The following PCDHA12 variants were observed in gnomAD, a reference collection of about 807,000 sequenced individuals.
PCDHA12 encodes the protein protocadherin alpha-12.
In PCDHA12, 44 loss-of-function variants were observed where a neutral mutation model predicts 60.0. The observed-to-expected ratio is 0.73, with a 90% CI of 0.58 to 0.94. The LOEUF (loss-of-function observed/expected upper bound fraction) is 0.94. Ranked by LOEUF, PCDHA12 falls within the 40% of genes least tolerant of loss-of-function variation. The probability of loss-of-function intolerance (pLI) is 0.00; values close to 1 mark genes in which losing one functional copy is unlikely to be tolerated. For missense variants in PCDHA12, 1,276 were observed against 1,239.7 expected (o/e 1.03, Z -0.44); for synonymous variants, 569 against 553.0 (o/e 1.03, Z -0.40).
chr5:140,978,140 T>C (rs1379052059), intron 1 of PCDHA12, among the ~76,000 whole-genome samples: 2 of 152,222 alleles, frequency 1.3e-5, no homozygotes, highest in Non-Finnish European at 2.9e-5. Flanking sequence ...ATTTTCCTCT[T>C]TGTTCTCCCC....
At chr5:140,991,740 GCT>G (rs1175946938) in intron 3 of PCDHA12, among the ~76,000 whole-genome samples, 3 of 152,200 alleles carry the variant, frequency 2.0e-5, no homozygotes, top group African/African-American at 7.2e-5. Context: ...GGTAATGTAG[GCT>G]CTTTCTATCA....
At chr5:140,947,854 A>G (rs2094183959) in intron 1 of PCDHA12, among the ~76,000 whole-genome samples, 1 of 151,504 alleles carries the variant, frequency 6.6e-6, no homozygotes, top group Non-Finnish European at 1.5e-5. Context: ...TTATTTTGTC[A>G]TTATAATGGC....
chr5:140,887,838 T>C (rs1434293324), intron 1 of PCDHA12, among the ~76,000 whole-genome samples: 1 of 152,210 alleles, frequency 6.6e-6, no homozygotes. Context: ...TGAATATCTT[T>C]TATTGACATA....
intron 1 of PCDHA12, among the ~76,000 whole-genome samples, chr5:140,949,913 A>G (rs554549969): frequency 9.9e-5 from 15 of 151,452 alleles, no homozygotes; most frequent in Admixed American, 2.6e-4. Context: ...TTTAGATATA[A>G]CTATTTTTAG....
chr5:140,939,424 A>G lies in PCDHA12; in HGVS notation c.2368-39525A>G, dbSNP rs186047779. 5.0e-4 allele frequency among the ~76,000 whole-genome samples: 76 copies of G among 152,290 alleles called. 1 individual carries two copies. Among genetic ancestry groups the G allele is most frequent in the Admixed American group, 1.3e-4 (2 of 15,302 alleles). On this transcript the variant is annotated intron_variant, in intron 1 of 3. Coordinates refer to ENST00000398631, the MANE Select transcript of PCDHA12 (RefSeq NM_018903.4). ...GTGTAAATCAGCATTTTTTTCTTCC[A>G]TAAGCATTTGAAGAATTAAGAGTGA...
chr5:140,941,597 G>T (rs2093124922), intron 1 of PCDHA12, among the ~76,000 whole-genome samples: 1 of 152,032 alleles, frequency 6.6e-6, no homozygotes, highest in Middle Eastern at 3.4e-3. Context: ...TTACAGCCAT[G>T]AGCCATGGTG....
intron 1 of PCDHA12, among the ~76,000 whole-genome samples, chr5:140,892,628 T>C (rs1554185308): frequency 6.6e-6 from 1 of 152,166 alleles, no homozygotes; most frequent in African/African-American, 2.4e-5. Flanking sequence ...TGGTACATAA[T>C]AATTGTACAT....
At chr5:140,889,949 A>G (rs1444545834) in intron 1 of PCDHA12, among the ~76,000 whole-genome samples, 1 of 152,202 alleles carries the variant, frequency 6.6e-6, no homozygotes, top group South Asian at 2.1e-4. Flanking sequence ...GAGAAGCCAA[A>G]TGGATAGAAA....
chr5:140,882,170 C>G, intron 1 of PCDHA12: 1 of 1,513,564 alleles, frequency 6.6e-7, no homozygotes, highest in Non-Finnish European at 8.8e-7. Flanking sequence ...CTTGCGAATC[C>G]TTCCGCACTA....
At chr5:141,001,975 G>T (rs900969211) in intron 3 of PCDHA12, among the ~76,000 whole-genome samples, 2 of 152,302 alleles carry the variant, frequency 1.3e-5, no homozygotes, top group Non-Finnish European at 2.9e-5. Flanking sequence ...GTCTCTGCGC[G>T]GAAAGCCTGG....
At chr5:140,998,591 T>A (rs2097823979) in intron 3 of PCDHA12, among the ~76,000 whole-genome samples, 1 of 150,884 alleles carries the variant, frequency 6.6e-6, no homozygotes, top group Non-Finnish European at 1.5e-5. Context: ...TGAGACAGAG[T>A]TTTGCTCTTG....
chr5:140,986,950 A>G (rs1161887732), intron 3 of PCDHA12, among the ~76,000 whole-genome samples: 1 of 152,282 alleles, frequency 6.6e-6, no homozygotes, highest in East Asian at 1.9e-4. Context: ...GTGGTCGCTC[A>G]TGCCTGTAAT....
At position 140,877,023 on chromosome 5, in the gene PCDHA12, G is replaced by A. The variant is rs1554169254; in HGVS notation, c.1551G>A (p.Val517=). 1.2e-6 allele frequency: 2 copies of A among 1,612,456 alleles called. No individual in the cohort carries two copies. The highest frequency in any genetic ancestry group is 1.7e-6 in the Non-Finnish European group (2 of 1,179,808). ...YVSVHAESGK[V]YALQPLDHEE... ...CGGTGCACGCGGAGAGCGGCAAGGTGTACGCGCTGCAGCCGCTAGACCACG... is the reference window on the plus strand; with the variant it reads ...CGGTGCACGCGGAGAGCGGCAAGGTATACGCGCTGCAGCCGCTAGACCACG... The change falls in exon 1 of 4, where the codon GTG becomes GTA. Residue 517 remains valine, a synonymous_variant. Coordinates refer to ENST00000398631, the MANE Select transcript of PCDHA12 (RefSeq NM_018903.4).
At chr5:140,968,795 A>G in intron 1 of PCDHA12, 2 of 1,614,210 alleles carry the variant, frequency 1.2e-6, no homozygotes, top group Non-Finnish European at 1.7e-6. Context: ...TGTGGCCATT[A>G]CAGTAGCTGT....
At chr5:140,884,112 C>T (rs2153400405) in intron 1 of PCDHA12, 1 of 1,613,306 alleles carries the variant, frequency 6.2e-7, no homozygotes. Flanking sequence ...CAGCTGGCGG[C>T]GGTCGGCGCG....
chr5:140,984,658 A>G (rs1421972508), intron 3 of PCDHA12, among the ~76,000 whole-genome samples: 1 of 152,146 alleles, frequency 6.6e-6, no homozygotes, highest in Non-Finnish European at 1.5e-5. Flanking sequence ...TCCTTCTGGT[A>G]CTTTTAGGTT....
intron 1 of PCDHA12, among the ~76,000 whole-genome samples, chr5:140,941,192 TTTCTTTCTTCC>T (rs1330855559): frequency 1.0e-5 from 1 of 99,660 alleles, no homozygotes; most frequent in Non-Finnish European, 2.1e-5. Flanking sequence ...CTTCTTTTTT[TTTCTTTCTTCC>T]TTTCTTTCTT....
At chr5:140,952,621 T>C (rs1002649302) in intron 1 of PCDHA12, among the ~76,000 whole-genome samples, 3 of 152,168 alleles carry the variant, frequency 2.0e-5, no homozygotes, top group Admixed American at 2.0e-4. Context: ...TCATCTTCCC[T>C]CCACACTATT....
At position 140,876,956 on chromosome 5, in the gene PCDHA12, T is replaced by A; in HGVS notation, c.1484T>A (p.Val495Glu). The A allele has an allele frequency of 6.2e-7, 1 of 1,613,342 alleles. No homozygotes were observed. The highest frequency in any genetic ancestry group is 8.5e-7 in the Non-Finnish European group (1 of 1,179,850). ...AACGCGCTGGTGTCCTACTCGCTGG[T>A]GGAGCGGCGGGTGGGCGAGCACGCA... ...QKNALVSYSL[V>E]ERRVGEHALS... The change falls in exon 1 of 4, where the codon GTG becomes GAG. Residue 495 changes from valine (V) to glutamate (E), a missense_variant. By Grantham distance (121) the Val-to-Glu change is moderately radical. Transcript: ENST00000398631.
Sources: gnomAD v4.1 joint callset for allele counts (sites outside exome capture counted in the v4.1 genomes callset) on GRCh38, gnomAD v4.1.1 for gene constraint, MANE v1.5 for transcripts, NCBI Gene and HGNC (gene_info 2026-07-23, HGNC 2026-07-21) for gene names.